CACNA1H: variants seen among roughly 807,000 people sequenced by gnomAD.
CACNA1H encodes calcium voltage-gated channel subunit alpha1 H, also known as voltage-dependent T-type calcium channel subunit alpha-1H.
CACNA1H carries 149 observed loss-of-function variants against 192.5 expected under a neutral mutation model. That is an observed-to-expected ratio of 0.77 (90% confidence interval 0.68 to 0.89). CACNA1H has a LOEUF of 0.89. CACNA1H is among the 40% of genes least tolerant of loss of function. The probability of loss-of-function intolerance (pLI) is 0.00; values close to 1 mark genes in which losing one functional copy is unlikely to be tolerated. For synonymous variants in CACNA1H, 2,202 were observed against 1,475.2 expected, an observed-to-expected ratio of 1.49 and a Z score of -11.29; for missense variants, 4,257 against 3,423.5, an observed-to-expected ratio of 1.24 and a Z score of -6.08.
At chr16:1,178,528 C>T (rs1176342047) in intron 2 of CACNA1H, among the ~76,000 whole-genome samples, 3 of 152,224 alleles carry the variant, frequency 2.0e-5, no homozygotes, top group Non-Finnish European at 2.9e-5. Flanking sequence ...GTGACAGTGG[C>T]GTCTACAGGC....
chr16:1,174,676 G>A (rs933777452), intron 2 of CACNA1H, among the ~76,000 whole-genome samples: 2 of 152,170 alleles, frequency 1.3e-5, no homozygotes, highest in Non-Finnish European at 2.9e-5. Context: ...GAGGAGAGGC[G>A]CCCAATGTTA....
At position 1,200,453 on chromosome 16, in the gene CACNA1H, G is replaced by A. The variant is rs964941206; in HGVS notation, c.1001G>A (p.Arg334His). Reference sequence around the variant, plus strand: ...CAGGCCGAGGGGGTGGGCGCTGCACGCAACGCCTGCATCAACTGGAACCAG... The same window carrying A: ...CAGGCCGAGGGGGTGGGCGCTGCACACAACGCCTGCATCAACTGGAACCAG... ...QPQAEGVGAARNACINWNQYY... is the reference protein window; with the variant it reads ...QPQAEGVGAAHNACINWNQYY... Residue 334 changes from arginine (R) to histidine (H), a missense_variant, in exon 7 of 35, where the codon CGC becomes CAC. Transcript: ENST00000348261. 10 of 1,611,488 alleles carry A rather than the reference G, an allele frequency of 6.2e-6. No individual in the cohort carries two copies. Among genetic ancestry groups the A allele is most frequent in the African/African-American group, 2.7e-5 (2 of 74,922 alleles).
chr16:1,154,153 T>A, intron 2 of CACNA1H, 117 bp downstream of exon 2: 1 of 742,800 alleles, frequency 1.3e-6, no homozygotes, highest in South Asian at 5.9e-5. Flanking sequence ...GGACCTGGCG[T>A]GGGCCGGGCG....
At position 1,204,380 on chromosome 16, in the gene CACNA1H, C is replaced by T. The variant is rs1390634792; in HGVS notation, c.2373C>T (p.Asp791=). 1.9e-6 allele frequency: 3 copies of T among 1,564,168 alleles called. No individual in the cohort carries two copies. Among genetic ancestry groups the T allele is most frequent in the Admixed American group, 1.8e-5 (1 of 54,108 alleles). Residue 791 remains aspartate (D), a synonymous_variant, in exon 10 of 35, where the codon GAC becomes GAT. Transcript: ENST00000348261. ...GCGGCAAGCTGCGCCGCATCGTGGA[C>T]AGCAAGTACTTCAGCCGTGGCATCA... ...TFSGKLRRIV[D]SKYFSRGIMM...
chr16:1,198,541 C>G (rs1221212504), intron 5 of CACNA1H, 74 bp from the exon 6 acceptor site: 2 of 1,544,320 alleles, frequency 1.3e-6, no homozygotes, highest in Non-Finnish European at 1.8e-6. Flanking sequence ...GCTCGGGGGT[C>G]CCGGGAGGGG....
rs58682447 is a variant in CACNA1H, at chr16:1,220,658, G to C, written c.6726G>C (p.Gly2242=). ...LEPTEGSGAG[G]DPAAKGERWG... ...CCACAGAGGGCTCAGGCGCCGGGGG[G>C]GACCCTGCAGCCAAGGGGGAGCGCT... is the stretch of plus-strand genomic sequence containing the variant. The change falls in exon 35 of 35, where the codon GGG becomes GGC. Residue 2242 remains glycine (G), a synonymous_variant. Transcript: ENST00000348261. The C allele has an allele frequency of 1.7e-5, 27 of 1,605,896 alleles. No individual in the cohort carries two copies. Among genetic ancestry groups the C allele is most frequent in the Non-Finnish European group, 2.1e-5 (25 of 1,176,652 alleles).
intron 2 of CACNA1H, chr16:1,156,953 AAT>A: frequency 6.6e-6 from 1 of 152,210 alleles, no homozygotes; most frequent in Non-Finnish European, 1.5e-5. Flanking sequence ...GTTTCTTAAA[AAT>A]ATAATTGTCT....
Position 1,208,072 on chromosome 16 carries a change from C to T in CACNA1H, c.3214C>T (p.Leu1072=), listed in dbSNP as rs1238128692. The change falls in exon 16 of 35, where the codon CTG becomes TTG. Residue 1072 remains leucine, a synonymous_variant. Coordinates refer to ENST00000348261, the MANE Select transcript of CACNA1H (RefSeq NM_021098.3). ...PNGHLEGRGS[L]SPPLIMCTAA... is the part of the protein sequence containing the mutation. ...CGGGCACCTGGAGGGACGAGGCAGC[C>T]TGTCCCCTCCCCTCATCATGTGCAC... 5.0e-6 allele frequency: 8 copies of T among 1,603,984 alleles called. No individual in the cohort carries two copies. The highest frequency in any genetic ancestry group is 2.2e-5 in the South Asian group (2 of 89,030).
In CACNA1H at chr16:1,201,642, A is replaced by G. The variant is rs370250622; in HGVS notation, c.1213-21A>G. ...GAGACTCGCTCACTCACTGCCACTT[A>G]CCCGCCCGCCCCCGTCACAGGTGGG... is the stretch of plus-strand genomic sequence containing the variant. On this transcript the variant is annotated intron_variant, in intron 8 of 34. Transcript: ENST00000348261. 1.7e-5 allele frequency: 27 copies of G among 1,549,522 alleles called. No individual in the cohort carries two copies. The East Asian group carries it at 6.3e-4, about 36-fold the overall frequency.
At chr16:1,179,280 G>A (rs899100969) in intron 2 of CACNA1H, among the ~76,000 whole-genome samples, 1 of 152,054 alleles carries the variant, frequency 6.6e-6, no homozygotes, top group Non-Finnish European at 1.5e-5. Flanking sequence ...TCCTGGGTAG[G>A]GTGAGTTGGG....
Position 1,207,899 on chromosome 16 carries a change from G to A in CACNA1H, c.3154+39G>A, listed in dbSNP as rs552839444. The stretch of plus-strand genomic sequence containing the variant: ...GTGGGTGGTCCGGGTTCTGGCGGGT[G>A]GAGTACGCTGGGCTGGCCGGGCAGG... On this transcript the variant is annotated intron_variant, in intron 15 of 34. Transcript: ENST00000348261. 124 of 1,551,490 alleles carry A rather than the reference G, an allele frequency of 8.0e-5. 1 individual carries two copies. In the South Asian group the frequency reaches 1.3e-3, roughly 17 times the overall value.
At chr16:1,195,675 A>T in intron 4 of CACNA1H, 110 bp downstream of exon 4, 1 of 1,298,280 alleles carries the variant, frequency 7.7e-7, no homozygotes, top group Non-Finnish European at 1.1e-6. Context: ...TTCTAGAGGG[A>T]TCCAGGTAGA....
At chr16:1,176,757 A>G (rs545933672) in intron 2 of CACNA1H, among the ~76,000 whole-genome samples, 14 of 152,218 alleles carry the variant, frequency 9.2e-5, no homozygotes, top group Non-Finnish European at 1.9e-4. Context: ...AGCCCAGAAA[A>G]TGATGGTGCT....
intron 5 of CACNA1H, 43 bp downstream of exon 5, chr16:1,196,066 C>T (rs375851943): frequency 2.6e-5 from 39 of 1,487,764 alleles, no homozygotes; most frequent in East Asian, 1.4e-4. Context: ...AACAGGCTTG[C>T]GTGTCCGCCA....
rs1194032246 is a variant in CACNA1H, at chr16:1,220,966, C to T, written c.7034C>T (p.Pro2345Leu). Residue 2345 changes from proline (P) to leucine (L), a missense_variant, in exon 35 of 35, where the codon CCA becomes CTA. Coordinates refer to ENST00000348261, the MANE Select transcript of CACNA1H (RefSeq NM_021098.3). ...KPGSPSATPA[P>L]GGGADDPV ...GGGTCCCCCTCAGCCACCCCTGCCC[C>T]AGGGGGTGGTGCAGATGACCCCGTG... 3 of 1,603,024 alleles carry T rather than the reference C, an allele frequency of 1.9e-6. No individual in the cohort carries two copies. The highest frequency in any genetic ancestry group is 2.6e-6 in the Non-Finnish European group (3 of 1,174,754).
At chr16:1,192,380 G>T (rs1966701286) in intron 2 of CACNA1H, among the ~76,000 whole-genome samples, 1 of 152,270 alleles carries the variant, frequency 6.6e-6, no homozygotes, top group East Asian at 1.9e-4. Context: ...CTTTCATGGT[G>T]ACTGGCACTG....
At chr16:1,164,088 T>G (rs1596303114) in intron 2 of CACNA1H, among the ~76,000 whole-genome samples, 1 of 152,122 alleles carries the variant, frequency 6.6e-6, no homozygotes, top group Non-Finnish European at 1.5e-5. Context: ...GGCACAGGTG[T>G]GGGGGCACTT....
intron 2 of CACNA1H, among the ~76,000 whole-genome samples, chr16:1,168,111 A>G (rs1467292300): frequency 1.3e-5 from 2 of 151,936 alleles, no homozygotes; most frequent in Admixed American, 1.3e-4. Flanking sequence ...GGTGGACCAG[A>G]ATTCCCCTGG....
At chr16:1,176,024 G>T (rs770279200) in intron 2 of CACNA1H, among the ~76,000 whole-genome samples, 1 of 152,186 alleles carries the variant, frequency 6.6e-6, no homozygotes, top group African/African-American at 2.4e-5. Context: ...AACCCCGTTC[G>T]TGGAGGCGCC....
Sources: gnomAD v4.1 joint callset for allele counts (sites outside exome capture counted in the v4.1 genomes callset) on GRCh38, gnomAD v4.1.1 for gene constraint, MANE v1.5 for transcripts, NCBI Gene and HGNC (gene_info 2026-07-23, HGNC 2026-07-21) for gene names.